The following SPMIP4 variants were observed in gnomAD, a reference collection of about 807,000 sequenced individuals.
SPMIP4 encodes sperm microtubule inner protein 4.
chr7:25,150,915 C>T, the SPMIP4 span, among the ~76,000 whole-genome samples: 4 of 152,160 alleles, frequency 2.6e-5, no homozygotes, highest in Admixed American at 6.6e-5. Context: ...TTAAACTTGA[C>T]ACCAATATGA....
At chr7:25,136,940 A>C in the SPMIP4 span, 12 of 791,820 alleles carry the variant, frequency 1.5e-5, no homozygotes, top group Non-Finnish European at 2.4e-5. The surrounding 1 kb of genome is among the most constrained non-coding windows in gnomAD (Gnocchi z 5.7). Context: ...ACTAATTTAA[A>C]GACATTGAAA....
At chr7:25,150,623 T>C in the SPMIP4 span, among the ~76,000 whole-genome samples, 197 of 152,346 alleles carry the variant, frequency 1.3e-3, 1 homozygote, top group African/African-American at 4.6e-3. Flanking sequence ...TTAGCTATTA[T>C]TATTTTCAAA....
chr7:25,134,302 A>G, the SPMIP4 span, among the ~76,000 whole-genome samples: 2 of 151,044 alleles, frequency 1.3e-5, no homozygotes, highest in African/African-American at 4.9e-5. Context: ...CACACACACA[A>G]AAGAACCAGT....
At chr7:25,166,396 G>C in the SPMIP4 span, among the ~76,000 whole-genome samples, 1 of 151,728 alleles carries the variant, frequency 6.6e-6, no homozygotes, top group African/African-American at 2.4e-5. Flanking sequence ...GACCATCCTG[G>C]CTAACACGGT....
At chr7:25,158,869 T>A in the SPMIP4 span, among the ~76,000 whole-genome samples, 3,874 of 143,024 alleles carry the variant, frequency 0.027, 60 homozygotes, top group African/African-American at 0.054. Flanking sequence ...AAAAAAAAAA[T>A]AATAATAATG....
chr7:25,165,302 TAGAG>T, the SPMIP4 span, among the ~76,000 whole-genome samples: 1 of 152,252 alleles, frequency 6.6e-6, no homozygotes, highest in Non-Finnish European at 1.5e-5. Context: ...TTAACTTTAT[TAGAG>T]AGCATAGGTA....
the SPMIP4 span, among the ~76,000 whole-genome samples, chr7:25,169,119 G>A: frequency 6.6e-6 from 1 of 152,094 alleles, no homozygotes; most frequent in Non-Finnish European, 1.5e-5. Flanking sequence ...GCCAGGTGCA[G>A]TGGCTCATGC....
At chr7:25,170,358 T>A in the SPMIP4 span, among the ~76,000 whole-genome samples, 2 of 152,266 alleles carry the variant, frequency 1.3e-5, no homozygotes, top group African/African-American at 4.8e-5. Context: ...AAATATCTAT[T>A]CAGATCCTTT....
chr7:25,137,312 T>A, the SPMIP4 span, among the ~76,000 whole-genome samples: 381 of 139,886 alleles, frequency 2.7e-3, 1 homozygote, highest in Middle Eastern at 0.032. Context: ...TTTTTTTTTT[T>A]TTTTTTTATT....
the SPMIP4 span, chr7:25,136,580 T>C: frequency 6.2e-7 from 1 of 1,614,196 alleles, no homozygotes; most frequent in South Asian, 1.1e-5. This position sits in a 1 kb window ranked among gnomAD's most constrained non-coding sequence, Gnocchi z 5.7. Context: ...TTTTTATGGG[T>C]CACACCGGCT....
the SPMIP4 span, chr7:25,179,762 T>G: frequency 6.5e-6 from 1 of 152,880 alleles, no homozygotes; most frequent in Non-Finnish European, 1.5e-5. Context: ...AGAATCCCTT[T>G]GCAGATGGTG....
the SPMIP4 span, among the ~76,000 whole-genome samples, chr7:25,176,265 A>G: frequency 6.6e-6 from 1 of 152,192 alleles, no homozygotes; most frequent in Non-Finnish European, 1.5e-5. The surrounding 1 kb of genome is among the most constrained non-coding windows in gnomAD (Gnocchi z 4.4). Context: ...GTGCTTTTTG[A>G]TGGTGCATTC....
chr7:25,147,613 C>T, the SPMIP4 span, among the ~76,000 whole-genome samples: 1 of 152,286 alleles, frequency 6.6e-6, no homozygotes, highest in African/African-American at 2.4e-5. Context: ...CGACATTTAA[C>T]ACACTGTTAA....
chr7:25,129,573 T>C, the SPMIP4 span, among the ~76,000 whole-genome samples: 1 of 152,176 alleles, frequency 6.6e-6, no homozygotes, highest in African/African-American at 2.4e-5. Context: ...CTTTCCTTAA[T>C]ATGATGTTAA....
chr7:25,152,560 C>T, the SPMIP4 span, among the ~76,000 whole-genome samples: 7 of 152,020 alleles, frequency 4.6e-5, no homozygotes, highest in Admixed American at 2.6e-4. Context: ...GAAATTGAAG[C>T]GGAGAGAGAA....
At chr7:25,157,785 GAAA>G in the SPMIP4 span, among the ~76,000 whole-genome samples, 1 of 152,104 alleles carries the variant, frequency 6.6e-6, no homozygotes, top group South Asian at 2.1e-4. Flanking sequence ...GGACATGAAG[GAAA>G]AACTGAGGAA....
the SPMIP4 span, chr7:25,135,001 C>G: frequency 1.1e-6 from 1 of 878,230 alleles, no homozygotes; most frequent in Non-Finnish European, 1.4e-6. Context: ...GAGGTTACAA[C>G]CAAATGACAT....
chr7:25,166,959 T>C, the SPMIP4 span, among the ~76,000 whole-genome samples: 1 of 152,240 alleles, frequency 6.6e-6, no homozygotes, highest in Non-Finnish European at 1.5e-5. Context: ...GTATTTTCTC[T>C]CTCCTTGTCA....
At chr7:25,163,148 C>T in the SPMIP4 span, among the ~76,000 whole-genome samples, 1 of 151,828 alleles carries the variant, frequency 6.6e-6, no homozygotes, top group African/African-American at 2.4e-5. This position sits in a 1 kb window ranked among gnomAD's most constrained non-coding sequence, Gnocchi z 4.4. Flanking sequence ...TAAAAAGAGA[C>T]ACAGAGAGAA....
Sources: gnomAD v4.1 joint callset for allele counts (sites outside exome capture counted in the v4.1 genomes callset) on GRCh38, gnomAD v4.1.1 for gene constraint, Gnocchi (gnomAD v3.1) non-coding constraint, MANE v1.5 for transcripts, NCBI Gene and HGNC (gene_info 2026-07-23, HGNC 2026-07-21) for gene names.